The following ARHGEF10L variants were observed in gnomAD, a reference collection of about 807,000 sequenced individuals.
ARHGEF10L encodes the protein rho guanine nucleotide exchange factor 10-like protein.
Under a neutral mutation model 141.2 loss-of-function variants are expected in ARHGEF10L, and 69 were observed. The ratio of observed to expected loss-of-function variants is 0.49; its 90% CI spans 0.40 to 0.60. The LOEUF (loss-of-function observed/expected upper bound fraction) is 0.60, where lower values mean the gene tolerates loss of function less well. Ranked by LOEUF, ARHGEF10L falls within the 20% of genes least tolerant of loss-of-function variation. The pLI, the probability that ARHGEF10L is intolerant of heterozygous loss-of-function variation, is 0.00. For missense variants in ARHGEF10L, 1,482 were observed against 1,734.3 expected, an observed-to-expected ratio of 0.85 and a Z score of 2.58; for synonymous variants, 711 against 718.5, an observed-to-expected ratio of 0.99 and a Z score of 0.17.
chr1:17,592,124 T>G (rs1410823885), intron 4 of ARHGEF10L, among the ~76,000 whole-genome samples: 8 of 152,112 alleles, frequency 5.3e-5, no homozygotes, highest in Non-Finnish European at 1.2e-4. Context: ...AGAGCAGCCC[T>G]GAGTACCCAG....
At chr1:17,665,215 G>A (rs1238127958) in intron 26 of ARHGEF10L, among the ~76,000 whole-genome samples, 3 of 152,226 alleles carry the variant, frequency 2.0e-5, no homozygotes, top group African/African-American at 7.2e-5. Flanking sequence ...GATTTGTTTG[G>A]ATTATCGATT....
chr1:17,696,141 A>T lies in ARHGEF10L; in HGVS notation c.3308-707A>T, dbSNP rs1300077499. On this transcript the variant is annotated intron_variant, in intron 28 of 28. Transcript: ENST00000361221. ...GGCAAGAGAATTTCTTGAACCCGGG[A>T]GGTGGAGGTTGCAGTGAGCCGAGAT... Among the ~76,000 whole-genome samples, 8 of 148,608 alleles carry T rather than the reference A, an allele frequency of 5.4e-5. No individual in the cohort carries two copies. The East Asian group carries it at 1.6e-3, about 30-fold the overall frequency.
intron 25 of ARHGEF10L, among the ~76,000 whole-genome samples, chr1:17,661,278 A>C (rs1415149750): frequency 6.6e-6 from 1 of 152,218 alleles, no homozygotes; most frequent in African/African-American, 2.4e-5. Flanking sequence ...GGGTTTCACC[A>C]TGTTGGCTAG....
At chr1:17,542,222 G>C (rs185210593) in intron 1 of ARHGEF10L, among the ~76,000 whole-genome samples, 1 of 152,242 alleles carries the variant, frequency 6.6e-6, no homozygotes, top group East Asian at 1.9e-4. Context: ...CCTCAGGTGG[G>C]AGGATCACTT....
At chr1:17,683,088 AGGGTGCTCACTGCCCCCTGCTCTCACCG>A (rs1414441784) in intron 26 of ARHGEF10L, among the ~76,000 whole-genome samples, 1,609 of 142,896 alleles carry the variant, frequency 0.011, 31 homozygotes, top group African/African-American at 0.039. Flanking sequence ...TGCTCTCACC[AGGGTGCTCACTGCCCCCTGCTCTCACCG>A]GGGTGCTCAC....
At chr1:17,541,538 G>A (rs1282391016) in intron 1 of ARHGEF10L, among the ~76,000 whole-genome samples, 5 of 152,232 alleles carry the variant, frequency 3.3e-5, no homozygotes, top group African/African-American at 9.6e-5. Context: ...TACCAGGTTA[G>A]TATAAGAGGA....
intron 4 of ARHGEF10L, among the ~76,000 whole-genome samples, chr1:17,588,899 T>TGTGTGG (rs1557758147): frequency 6.7e-5 from 2 of 30,048 alleles, no homozygotes; most frequent in East Asian, 9.0e-4. Flanking sequence ...TGTGTGTGTG[T>TGTGTGG]AGTGGGGGAG....
chr1:17,542,350 G>C (rs1241364948), intron 1 of ARHGEF10L, among the ~76,000 whole-genome samples: 1 of 152,148 alleles, frequency 6.6e-6, no homozygotes, highest in Non-Finnish European at 1.5e-5. Flanking sequence ...TCAGGAGGCT[G>C]AGATGGGAGG....
At chr1:17,531,655 C>T in the ARHGEF10L span, among the ~76,000 whole-genome samples, 2 of 152,114 alleles carry the variant, frequency 1.3e-5, no homozygotes, top group African/African-American at 2.4e-5. Context: ...TGATTCCATG[C>T]GGCCTCCACA....
intron 1 of ARHGEF10L, among the ~76,000 whole-genome samples, chr1:17,550,765 A>T (rs894241080): frequency 6.6e-6 from 1 of 152,116 alleles, no homozygotes; most frequent in African/African-American, 2.4e-5. Context: ...GTGACCACCC[A>T]GAGAGACAAT....
chr1:17,580,571 G>A lies in ARHGEF10L; in HGVS notation c.-25G>A. ...TCCACAGGTGTGTAGCTGGGACGGT[G>A]CTGGTCTGAGCTGGACCTTGTCTGA... is the stretch of plus-strand genomic sequence containing the variant. On this transcript the variant is annotated 5_prime_UTR_variant, in exon 2 of 29. Transcript: ENST00000361221. 2 of 1,614,186 alleles carry A rather than the reference G, an allele frequency of 1.2e-6. No individual in the cohort carries two copies. Among genetic ancestry groups the A allele is most frequent in the Non-Finnish European group, 1.7e-6 (2 of 1,180,022 alleles).
At chr1:17,613,876 T>A (rs779976985) in intron 8 of ARHGEF10L, among the ~76,000 whole-genome samples, 2 of 152,164 alleles carry the variant, frequency 1.3e-5, no homozygotes, top group African/African-American at 2.4e-5. Context: ...AGCCTCGGTT[T>A]CCCTGCCTTT....
rs1358818452 is a variant in ARHGEF10L, at chr1:17,603,687, A to T, written c.433+96A>T. ...TCTCTTTCCGTTTCCTTCTGTCCCC[A>T]CCTGGCCAAGTGCCCCTCCTTCTTG... On this transcript the variant is annotated intron_variant, in intron 6 of 28. Transcript: ENST00000361221. This position sits in a 1 kb window ranked among gnomAD's most constrained non-coding sequence, Gnocchi z 4.8. 2 of 1,151,488 alleles carry T rather than the reference A, an allele frequency of 1.7e-6. No homozygotes were observed. The highest frequency in any genetic ancestry group is 3.2e-5 in the African/African-American group (2 of 63,328). The allele number at this position is 1,151,488 out of a possible 1,614,324, so 71.3% of individuals were successfully genotyped here.
intron 9 of ARHGEF10L, chr1:17,618,313 G>T (rs757720478): frequency 4.6e-6 from 7 of 1,512,334 alleles, no homozygotes; most frequent in Non-Finnish European, 6.2e-6. Flanking sequence ...CTGCAGAGGC[G>T]ATATTAATAG....
chr1:17,608,199 G>T (rs2081352932), intron 7 of ARHGEF10L, among the ~76,000 whole-genome samples: 1 of 152,180 alleles, frequency 6.6e-6, no homozygotes, highest in Non-Finnish European at 1.5e-5. Context: ...AGCCCGGGAT[G>T]GGCATGGCTG....
rs2060339044 is a variant in ARHGEF10L, at chr1:17,625,607, CA to C, written c.1318-346del. Among the ~76,000 whole-genome samples the C allele has an allele frequency of 5.9e-5, 9 of 152,318 alleles. No individual in the cohort carries two copies. The South Asian group carries it at 1.9e-3, about 32-fold the overall frequency. ...CTGTGCCCCGCCCCTTACCCTAGCC[CA>C]AATCTGTCTGCATTTAGTTTAAGTG... On this transcript the variant is annotated intron_variant, in intron 13 of 28. Transcript: ENST00000361221. The surrounding 1 kb of genome is among the most constrained non-coding windows in gnomAD (Gnocchi z 4.5).
intron 18 of ARHGEF10L, 56 bp from the exon 19 acceptor site, chr1:17,637,832 C>A: frequency 6.7e-7 from 1 of 1,483,282 alleles, no homozygotes; most frequent in Admixed American, 2.1e-5. Flanking sequence ...TGAGCAGATG[C>A]TTGGCTTCTT....
At chr1:17,598,102 CTT>C (rs553934561) in intron 4 of ARHGEF10L, among the ~76,000 whole-genome samples, 1,420 of 138,984 alleles carry the variant, frequency 0.01, 17 homozygotes, top group African/African-American at 0.034. Context: ...ACAAGAGAAA[CTT>C]TTTTTTTTTT....
In ARHGEF10L at chr1:17,621,129, G is replaced by A. The variant is rs1238594244; in HGVS notation, c.943-735G>A. On this transcript the variant is annotated intron_variant, in intron 10 of 28. Transcript: ENST00000361221. This position sits in a 1 kb window ranked among gnomAD's most constrained non-coding sequence, Gnocchi z 4.1. ...AGAAGCAGAGACCACTCGTGTGGGG[G>A]GACGGTACCCCAAGGCCTGTCTTGT... Among the ~76,000 whole-genome samples the A allele has an allele frequency of 6.6e-6, 1 of 152,172 alleles. No homozygotes were observed.
Sources: allele counts gnomAD v4.1 joint callset (sites outside exome capture counted in the v4.1 genomes callset), GRCh38; gene constraint gnomAD v4.1.1; non-coding constraint Gnocchi (gnomAD v3.1); transcripts MANE v1.5; gene names NCBI Gene and HGNC (gene_info 2026-07-23, HGNC 2026-07-21).